FRMPD2: variants seen among roughly 807,000 people sequenced by gnomAD.
The protein encoded by FRMPD2 is FERM and PDZ domain-containing protein 2.
A neutral mutation model predicts 140.1 loss-of-function variants in FRMPD2; 96 were observed. The ratio of observed to expected loss-of-function variants is 0.69; its 90% CI spans 0.58 to 0.81. The LOEUF is 0.81. Ranked by LOEUF, FRMPD2 falls within the 40% of genes least tolerant of loss-of-function variation. The pLI, the probability that FRMPD2 is intolerant of heterozygous loss-of-function variation, is 0.00. For synonymous variants in FRMPD2, 449 were observed against 547.6 expected (o/e 0.82, Z 2.52); for missense variants, 1,240 against 1,447.4 (o/e 0.86, Z 2.32).
At chr10:48,181,858 C>CATATATATATATATATAT (rs35165586) in intron 20 of FRMPD2, among the ~76,000 whole-genome samples, 4,593 of 78,786 alleles carry the variant, frequency 0.058, 419 homozygotes, top group African/African-American at 0.079. Context: ...TATATTCCCT[C>CATATATATATATATATAT]ATATATATAT....
chr10:48,200,616 G>T (rs1054769169), intron 15 of FRMPD2, among the ~76,000 whole-genome samples: 1 of 152,154 alleles, frequency 6.6e-6, no homozygotes, highest in Admixed American at 6.5e-5. Context: ...TGTTGCTAGT[G>T]ACTCCCACAC....
chr10:48,201,466 C>T, intron 14 of FRMPD2, 82 bp from the exon 15 acceptor site: 1 of 1,353,914 alleles, frequency 7.4e-7, no homozygotes, highest in Non-Finnish European at 1.0e-6. Context: ...AATGCTCGGT[C>T]CCTTGGTTCC....
chr10:48,171,689 C>CA (rs1229675002), intron 25 of FRMPD2, among the ~76,000 whole-genome samples: 3 of 152,114 alleles, frequency 2.0e-5, no homozygotes, highest in African/African-American at 7.2e-5. Flanking sequence ...TTCAAGTCCT[C>CA]AATAACCACA....
chr10:48,230,308 GCT>G (rs1224838867), intron 10 of FRMPD2, among the ~76,000 whole-genome samples: 3 of 152,034 alleles, frequency 2.0e-5, no homozygotes, highest in Non-Finnish European at 4.4e-5. Flanking sequence ...AATAAAATAT[GCT>G]CTCTTTATAA....
In FRMPD2 at chr10:48,242,238, C is replaced by T; in HGVS notation, c.490G>A (p.Glu164Lys). 6.2e-7 allele frequency: 1 copy of T among 1,614,198 alleles called. No individual in the cohort carries two copies. The highest frequency in any genetic ancestry group is 1.1e-5 in the South Asian group (1 of 91,080). The change falls in exon 5 of 29, where the codon GAA becomes AAA. Residue 164 changes from glutamate (E) to lysine (K), a missense_variant. Transcript: ENST00000374201. ...VLEACRVHEK[E>K]VSVYPAPAGL... ...GCAGGGGCTGGGTAGACAGACACTT[C>T]TTTCTCATGAACCCGACAAGCTTCC...
chr10:48,216,905 G>A (rs1245618227), intron 12 of FRMPD2, among the ~76,000 whole-genome samples: 1 of 152,180 alleles, frequency 6.6e-6, no homozygotes, highest in Non-Finnish European at 1.5e-5. Context: ...GCTGGCCTAG[G>A]CATGAAAAGG....
At chr10:48,159,113 TCTC>T (rs1438729456) in intron 28 of FRMPD2, 4 of 455,658 alleles carry the variant, frequency 8.8e-6, no homozygotes, top group Non-Finnish European at 1.8e-5. Flanking sequence ...TCCCTTCATG[TCTC>T]CAGTTCTCCA....
chr10:48,206,842 C>G lies in FRMPD2; in HGVS notation c.1703G>C (p.Cys568Ser). ...TTCATAGACTATGACACCCTTGGCACAGATCCCCAGGGCCATCTCCTCTTC... is the reference window on the plus strand; with the variant it reads ...TTCATAGACTATGACACCCTTGGCAGAGATCCCCAGGGCCATCTCCTCTTC... ...RPEEEMALGICAKGVIVYEVK... is the reference protein window; with the variant it reads ...RPEEEMALGISAKGVIVYEVK... Residue 568 changes from cysteine (C) to serine (S), a missense_variant, in exon 14 of 29, where the codon TGT becomes TCT. Transcript: ENST00000374201. 6.2e-7 allele frequency: 1 copy of G among 1,613,988 alleles called. No individual in the cohort carries two copies. The highest frequency in any genetic ancestry group is 1.6e-4 in the Middle Eastern group (1 of 6,062).
intron 16 of FRMPD2, 63 bp downstream of exon 16, chr10:48,192,619 CAG>C (rs1047686902): frequency 4.4e-6 from 6 of 1,365,460 alleles, no homozygotes; most frequent in African/African-American, 1.4e-5. Context: ...ATCTTCAGTA[CAG>C]ATCACTGCAA....
chr10:48,220,481 A>C (rs892107167), intron 12 of FRMPD2, among the ~76,000 whole-genome samples: 1 of 152,142 alleles, frequency 6.6e-6, no homozygotes, highest in Non-Finnish European at 1.5e-5. Context: ...AAAACATAAA[A>C]ATTTGAGAAG....
At chr10:48,257,797 C>T (rs1840516346) in intron 1 of FRMPD2, among the ~76,000 whole-genome samples, 1 of 152,146 alleles carries the variant, frequency 6.6e-6, no homozygotes, top group South Asian at 2.1e-4. Flanking sequence ...CATGGAACTG[C>T]CCAAGTGCTC....
chr10:48,236,450 T>C (rs1334655216), intron 9 of FRMPD2, 32 bp downstream of exon 9: 1 of 1,604,864 alleles, frequency 6.2e-7, no homozygotes, highest in South Asian at 1.1e-5. Flanking sequence ...CTCGCCACCC[T>C]CCATCCCTGC....
At chr10:48,257,316 C>T (rs1840508385) in intron 1 of FRMPD2, among the ~76,000 whole-genome samples, 1 of 151,358 alleles carries the variant, frequency 6.6e-6, no homozygotes, top group Non-Finnish European at 1.5e-5. Context: ...GTTTCATTCT[C>T]TCGCCCTGGC....
In FRMPD2 at chr10:48,178,109, C is replaced by G. The variant is rs782389542; in HGVS notation, c.2833G>C (p.Ala945Pro). 4 of 1,596,226 alleles carry G rather than the reference C, an allele frequency of 2.5e-6. No individual in the cohort carries two copies. The East Asian group carries it at 8.9e-5, about 36-fold the overall frequency. The change falls in exon 22 of 29, where the codon GCT becomes CCT. Residue 945 changes from alanine (A) to proline (P), a missense_variant. By Grantham distance (27) the Ala-to-Pro change is conservative (BLOSUM62 -1). Coordinates refer to ENST00000374201, the MANE Select transcript of FRMPD2 (RefSeq NM_001018071.4). ...SCPPSPPEIS[A>P]GEIYFVELVK... The stretch of plus-strand genomic sequence containing the variant: ...AGTTCCACAAAGTAGATTTCACCAG[C>G]ACTGATTTCTGGAGGTGATGGAGGA...
At chr10:48,232,590 C>A (rs112536572) in intron 9 of FRMPD2, among the ~76,000 whole-genome samples, 1 of 152,100 alleles carries the variant, frequency 6.6e-6, no homozygotes, top group East Asian at 1.9e-4. Flanking sequence ...CTTTCCCATG[C>A]GGAAATTCCA....
At chr10:48,185,480 G>C in intron 18 of FRMPD2, 73 bp downstream of exon 18, 1 of 1,022,042 alleles carries the variant, frequency 9.8e-7, no homozygotes, top group South Asian at 1.3e-5. Context: ...CAAGTTGAAA[G>C]GGAAAACAGT....
chr10:48,160,506 A>G (rs1333909901), intron 28 of FRMPD2, among the ~76,000 whole-genome samples: 1 of 127,982 alleles, frequency 7.8e-6, no homozygotes, highest in Non-Finnish European at 1.7e-5. Context: ...GCACTGTGAC[A>G]GCACCCTGAG....
At chr10:48,240,329 C>T in intron 6 of FRMPD2, 31 bp downstream of exon 6, 1 of 1,601,810 alleles carries the variant, frequency 6.2e-7, no homozygotes, top group Non-Finnish European at 8.5e-7. Context: ...ACCATCAGCC[C>T]ACGCAGGGAC....
chr10:48,173,940 G>T (rs1838333515), intron 24 of FRMPD2, among the ~76,000 whole-genome samples: 3 of 152,148 alleles, frequency 2.0e-5, no homozygotes, highest in African/African-American at 7.2e-5. Flanking sequence ...ATCCCAGAGG[G>T]ACAATTCCTA....
Sources: gnomAD v4.1 joint callset for allele counts (sites outside exome capture counted in the v4.1 genomes callset) on GRCh38, gnomAD v4.1.1 for gene constraint, MANE v1.5 for transcripts, NCBI Gene and HGNC (gene_info 2026-07-23, HGNC 2026-07-21) for gene names.